Variants in MXI1 observed in about 807,000 individuals in gnomAD.
MXI1 encodes MAX interactor 1, dimerization protein.
In MXI1, 18 loss-of-function variants were observed where a neutral mutation model predicts 36.9. The observed-to-expected ratio is 0.49, with a 90% CI of 0.34 to 0.72. MXI1 has a LOEUF of 0.72. MXI1 is among the 30% of genes least tolerant of loss of function. The probability of loss-of-function intolerance (pLI) is 0.01; values close to 1 mark genes in which losing one functional copy is unlikely to be tolerated. For synonymous variants in MXI1, 160 were observed against 146.7 expected (o/e 1.09, Z -0.65); for missense variants, 304 against 379.1 (o/e 0.80, Z 1.64).
chr10:110,268,281 AGTCC>A (rs1856747047), intron 3 of MXI1, among the ~76,000 whole-genome samples: 1 of 152,234 alleles, frequency 6.6e-6, no homozygotes, highest in African/African-American at 2.4e-5. Context: ...CTTGTGTAGC[AGTCC>A]TTAGAAAACT....
At chr10:110,236,626 A>C (rs1433899400) in intron 2 of MXI1, among the ~76,000 whole-genome samples, 1 of 151,884 alleles carries the variant, frequency 6.6e-6, no homozygotes, top group Non-Finnish European at 1.5e-5. Flanking sequence ...ACACTCTGCT[A>C]ATTTTTATAT....
At chr10:110,270,441 T>TA (rs201068796) in intron 3 of MXI1, among the ~76,000 whole-genome samples, 8,011 of 133,148 alleles carry the variant, frequency 0.06, 319 homozygotes, top group South Asian at 0.17. Flanking sequence ...ATTTAATTAT[T>TA]TTTTTTTTTT....
intron 3 of MXI1, among the ~76,000 whole-genome samples, chr10:110,262,502 G>C (rs775343388): frequency 1.3e-5 from 2 of 152,022 alleles, no homozygotes; most frequent in African/African-American, 4.8e-5. Context: ...TGTTACTTCT[G>C]GGGAAAGGAG....
intron 5 of MXI1, among the ~76,000 whole-genome samples, chr10:110,281,271 C>T (rs1040331800): frequency 2.6e-5 from 4 of 152,074 alleles, no homozygotes; most frequent in Non-Finnish European, 5.9e-5. Flanking sequence ...CATTTTGCCC[C>T]TAAATACTTT....
intron 3 of MXI1, among the ~76,000 whole-genome samples, chr10:110,247,869 C>T (rs1855929845): frequency 6.6e-6 from 1 of 152,184 alleles, no homozygotes; most frequent in Admixed American, 6.5e-5. Flanking sequence ...GATTATAAAT[C>T]ATGCTGCTAT....
At chr10:110,219,464 G>A (rs1316801324) in intron 1 of MXI1, among the ~76,000 whole-genome samples, 4 of 152,144 alleles carry the variant, frequency 2.6e-5, no homozygotes, top group Non-Finnish European at 5.9e-5. Context: ...ATTGGAGGAT[G>A]GAGAGCCTTG....
chr10:110,218,419 C>A (rs1191612440), intron 1 of MXI1, among the ~76,000 whole-genome samples: 1 of 151,190 alleles, frequency 6.6e-6, no homozygotes, highest in Non-Finnish European at 1.5e-5. Flanking sequence ...CACTGCACTC[C>A]AGCCTGGGTG....
rs186300873 is a variant in MXI1 at position 110,242,167 on chromosome 10, C to G, written c.408-2661C>G. ...TAGCAAATGTACCTATTATTTAAGC[C>G]TTAGACCAAATGCCACCCTTCTAAA... is the stretch of plus-strand genomic sequence containing the variant. On this transcript the variant is annotated intron_variant, in intron 2 of 5. Transcript: ENST00000332674. 1.8e-4 allele frequency among the ~76,000 whole-genome samples: 27 copies of G among 152,110 alleles called. No individual in the cohort carries two copies. In the East Asian group the frequency reaches 5.2e-3, roughly 29 times the overall value.
intron 5 of MXI1, among the ~76,000 whole-genome samples, chr10:110,282,438 C>T (rs1227426874): frequency 6.6e-6 from 1 of 152,182 alleles, no homozygotes; most frequent in East Asian, 1.9e-4. Flanking sequence ...GAGGCAGTAG[C>T]AAGAACCTGA....
Position 110,207,855 on chromosome 10 carries a change from C to T in MXI1, c.47C>T (p.Ala16Val), listed in dbSNP as rs1026657935. 7 of 1,158,676 alleles carry T rather than the reference C, an allele frequency of 6.0e-6. No individual in the cohort carries two copies. Among genetic ancestry groups the T allele is most frequent in the Admixed American group, 4.8e-5 (1 of 20,628 alleles). 71.8% of individuals were successfully genotyped at this position (1,158,676 alleles called of 1,614,324 possible). ...CGCAAGGAGGCGCGCTGCGAGGGCG[C>T]GGGGCTGGCCCCCGCCGCGCCCCCG... is the stretch of plus-strand genomic sequence containing the variant. ...RPRKEARCEG[A>V]GLAPAAPPAV... Residue 16 changes from alanine (A) to valine (V), a missense_variant, in exon 1 of 6, where the codon GCG becomes GTG. Physicochemically the swap from Ala to Val is moderately conservative, Grantham distance 64. Coordinates refer to ENST00000332674, the MANE Select transcript of MXI1 (RefSeq NM_130439.3).
chr10:110,261,609 A>G (rs947600296), intron 3 of MXI1, among the ~76,000 whole-genome samples: 3 of 151,910 alleles, frequency 2.0e-5, no homozygotes, highest in East Asian at 1.9e-4. Context: ...GAAGTACCCA[A>G]TCCCACTTTT....
chr10:110,228,657 C>G (rs1466477246), intron 2 of MXI1, among the ~76,000 whole-genome samples: 3 of 149,406 alleles, frequency 2.0e-5, no homozygotes, highest in Admixed American at 7.0e-5. Context: ...TTGGACAGTC[C>G]AAGAAGATTA....
intron 5 of MXI1, among the ~76,000 whole-genome samples, chr10:110,283,790 T>A (rs1168393762): frequency 6.6e-6 from 1 of 151,836 alleles, no homozygotes; most frequent in African/African-American, 2.4e-5. Flanking sequence ...TTTTTTTTTT[T>A]ATTTTTAAGA....
At chr10:110,274,130 G>T (rs568752261) in intron 3 of MXI1, among the ~76,000 whole-genome samples, 10 of 152,254 alleles carry the variant, frequency 6.6e-5, no homozygotes, top group South Asian at 4.1e-4. Context: ...GGCAGTAGAG[G>T]TTACAGAGTT....
intron 1 of MXI1, among the ~76,000 whole-genome samples, chr10:110,213,163 A>G (rs1419077540): frequency 6.6e-6 from 1 of 152,226 alleles, no homozygotes; most frequent in Admixed American, 6.5e-5. Flanking sequence ...ATGATAGTTC[A>G]GACCTGAAGA....
chr10:110,244,804 CTTTTT>C lies in MXI1; in HGVS notation c.408-14_408-10del. On this transcript the variant is annotated intron_variant, in intron 2 of 5. Transcript: ENST00000332674. ...CTTTAGCAACAAAGCATGGCTAATG[CTTTTT>C]TTTTTTTTTGTCTTTTAGATCTACA... The C allele has an allele frequency of 7.3e-7, 1 of 1,365,998 alleles. No homozygotes were observed. Among genetic ancestry groups the C allele is most frequent in the Non-Finnish European group, 9.8e-7 (1 of 1,017,108 alleles). The allele number at this position is 1,365,998 out of a possible 1,614,324, so 84.6% of individuals were successfully genotyped here.
chr10:110,265,769 G>C (rs1856659065), intron 3 of MXI1, among the ~76,000 whole-genome samples: 1 of 152,152 alleles, frequency 6.6e-6, no homozygotes, highest in South Asian at 2.1e-4. Flanking sequence ...ATAGCAGGGG[G>C]TTATCACGGG....
chr10:110,250,890 C>A (rs1357200722), intron 3 of MXI1, among the ~76,000 whole-genome samples: 1 of 149,494 alleles, frequency 6.7e-6, no homozygotes, highest in Admixed American at 6.7e-5. Context: ...AACCTTAGTG[C>A]TGACTGCAGG....
chr10:110,262,191 A>G (rs1363692783), intron 3 of MXI1, among the ~76,000 whole-genome samples: 1 of 152,158 alleles, frequency 6.6e-6, no homozygotes, highest in African/African-American at 2.4e-5. Flanking sequence ...TATGCTAAAC[A>G]TATACAGACT....
Sources: allele counts gnomAD v4.1 joint callset (sites outside exome capture counted in the v4.1 genomes callset), GRCh38; gene constraint gnomAD v4.1.1; transcripts MANE v1.5; gene names NCBI Gene and HGNC (gene_info 2026-07-23, HGNC 2026-07-21).